Variants in IL1RAPL2 observed in about 807,000 individuals in gnomAD.
IL1RAPL2 encodes the protein X-linked interleukin-1 receptor accessory protein-like 2.
Under a neutral mutation model 44.1 loss-of-function variants are expected in IL1RAPL2, and 3 were observed. The observed-to-expected ratio is 0.07, with a 90% CI of 0.03 to 0.18. IL1RAPL2 has a LOEUF of 0.18. Among genes scored for constraint, IL1RAPL2 ranks in the 10% least tolerant of loss-of-function variants. The pLI is 1.00. For missense variants in IL1RAPL2, 391 were observed against 496.4 expected, an observed-to-expected ratio of 0.79 and a Z score of 2.02; for synonymous variants, 181 against 178.8, an observed-to-expected ratio of 1.01 and a Z score of -0.10.
At chrX:105,645,914 A>G (rs1212538297) in intron 6 of IL1RAPL2, among the ~76,000 whole-genome samples, 1 of 111,607 alleles carries the variant, frequency 9.0e-6, no homozygotes, top group Non-Finnish European at 1.9e-5. Flanking sequence ...TATCTCCAGC[A>G]TATGTTCAAC....
In IL1RAPL2 at chrX:104,840,024, T is replaced by G. The variant is rs749465650; in HGVS notation, c.82+181029T>G. Among the ~76,000 whole-genome samples the G allele has an allele frequency of 2.7e-5, 3 of 111,925 alleles. No individual in the cohort carries two copies. In the South Asian group the frequency reaches 1.1e-3, roughly 42 times the overall value. Reference sequence around the variant, plus strand: ...TTTTTCTAACAAGCAGCTCCTGGATTCGTTGATTTTTTGGAATACTTTTTG... The same window carrying G: ...TTTTTCTAACAAGCAGCTCCTGGATGCGTTGATTTTTTGGAATACTTTTTG... On this transcript the variant is annotated intron_variant, in intron 2 of 10. Coordinates refer to ENST00000372582, the MANE Select transcript of IL1RAPL2 (RefSeq NM_017416.2).
intron 2 of IL1RAPL2, among the ~76,000 whole-genome samples, chrX:104,963,844 A>T (rs1307426481): frequency 9.0e-6 from 1 of 111,185 alleles, no homozygotes; most frequent in African/African-American, 3.3e-5. Flanking sequence ...CAAATAACAA[A>T]ACATAAAGGT....
At chrX:105,133,426 T>A (rs765992702) in intron 2 of IL1RAPL2, among the ~76,000 whole-genome samples, 1 of 110,992 alleles carries the variant, frequency 9.0e-6, no homozygotes, top group African/African-American at 3.2e-5. Flanking sequence ...AAATAATTTT[T>A]ATATAAATAA....
chrX:105,474,423 T>C (rs2036184619), intron 5 of IL1RAPL2, among the ~76,000 whole-genome samples: 1 of 112,124 alleles, frequency 8.9e-6, no homozygotes, highest in South Asian at 3.7e-4. Flanking sequence ...AAGTGTGTGA[T>C]AGCTTACCAG....
At chrX:105,482,318 CAT>C (rs2036238394) in intron 5 of IL1RAPL2, among the ~76,000 whole-genome samples, 3 of 111,579 alleles carry the variant, frequency 2.7e-5, no homozygotes, top group Middle Eastern at 4.8e-3. Flanking sequence ...GTAGATCCCT[CAT>C]GTTTCCAATA....
chrX:105,082,069 C>A (rs1279511668), intron 2 of IL1RAPL2, among the ~76,000 whole-genome samples: 2 of 111,765 alleles, frequency 1.8e-5, no homozygotes, highest in African/African-American at 6.5e-5. Flanking sequence ...CCTCTTTGTA[C>A]TTCTGGTAGA....
At chrX:104,652,232 T>A (rs1930166239) in intron 1 of IL1RAPL2, among the ~76,000 whole-genome samples, 1 of 111,899 alleles carries the variant, frequency 8.9e-6, no homozygotes, top group African/African-American at 3.2e-5. Context: ...TAGGAAGACT[T>A]CTGCAGATGA....
At chrX:105,648,420 AT>A (rs2037621264) in intron 6 of IL1RAPL2, among the ~76,000 whole-genome samples, 1 of 111,481 alleles carries the variant, frequency 9.0e-6, no homozygotes. Context: ...TGGAATTAGA[AT>A]TTTTAAAAAC....
intron 6 of IL1RAPL2, among the ~76,000 whole-genome samples, chrX:105,522,931 T>C (rs1225821483): frequency 9.0e-6 from 1 of 111,308 alleles, no homozygotes; most frequent in East Asian, 2.8e-4. Flanking sequence ...TTCCTACCAA[T>C]TTTTTGTTCT....
At chrX:105,031,360 G>A (rs2031491040) in intron 2 of IL1RAPL2, among the ~76,000 whole-genome samples, 1 of 109,837 alleles carries the variant, frequency 9.1e-6, no homozygotes, top group Non-Finnish European at 1.9e-5. Flanking sequence ...TGCCCATTCA[G>A]TATGATATTG....
intron 2 of IL1RAPL2, among the ~76,000 whole-genome samples, chrX:104,678,949 G>A (rs1930841548): frequency 9.0e-6 from 1 of 111,400 alleles, no homozygotes; most frequent in African/African-American, 3.3e-5. Flanking sequence ...TTCTGCACAT[G>A]TATGTCAGAA....
At chrX:105,684,284 G>T (rs1217895272) in intron 6 of IL1RAPL2, among the ~76,000 whole-genome samples, 1 of 112,464 alleles carries the variant, frequency 8.9e-6, no homozygotes. Flanking sequence ...CCTAGCCAAG[G>T]GAAGCTGTGA....
intron 6 of IL1RAPL2, among the ~76,000 whole-genome samples, chrX:105,678,468 T>C (rs1429182810): frequency 9.0e-6 from 1 of 111,407 alleles, no homozygotes; most frequent in Non-Finnish European, 1.9e-5. Flanking sequence ...ACTTTTTGTA[T>C]CCATTAACCA....
intron 2 of IL1RAPL2, among the ~76,000 whole-genome samples, chrX:104,821,555 T>C (rs1921303269): frequency 1.8e-5 from 2 of 111,979 alleles, no homozygotes; most frequent in Admixed American, 1.9e-4. Flanking sequence ...TTCATCCATG[T>C]CTCTGCAAAG....
intron 6 of IL1RAPL2, among the ~76,000 whole-genome samples, chrX:105,711,113 C>G (rs1242196934): frequency 9.1e-6 from 1 of 109,915 alleles, no homozygotes; most frequent in African/African-American, 3.3e-5. Flanking sequence ...TGGCTTTCAG[C>G]TTTTTCCTTC....
chrX:105,624,280 T>C (rs2037439109), intron 6 of IL1RAPL2, among the ~76,000 whole-genome samples: 1 of 111,145 alleles, frequency 9.0e-6, no homozygotes, highest in South Asian at 3.8e-4. Flanking sequence ...CAGAACAATG[T>C]TGCAGAATTG....
chrX:104,645,441 A>G (rs933498049), intron 1 of IL1RAPL2, among the ~76,000 whole-genome samples: 1 of 111,637 alleles, frequency 9.0e-6, no homozygotes, highest in African/African-American at 3.2e-5. Context: ...AACTCATTCT[A>G]CTTCAATGAA....
intron 5 of IL1RAPL2, among the ~76,000 whole-genome samples, chrX:105,273,793 T>C (rs1238768666): frequency 8.9e-6 from 1 of 112,173 alleles, no homozygotes; most frequent in African/African-American, 3.2e-5. Flanking sequence ...TATATGCTTT[T>C]CTCCAATTAT....
intron 3 of IL1RAPL2, among the ~76,000 whole-genome samples, chrX:105,232,255 G>A (rs369770836): frequency 1.8e-5 from 2 of 111,556 alleles, no homozygotes; most frequent in African/African-American, 3.3e-5. Context: ...AAGAGGCATC[G>A]CCATCTGGAT....
Sources: gnomAD v4.1 joint callset for allele counts (sites outside exome capture counted in the v4.1 genomes callset) on GRCh38, gnomAD v4.1.1 for gene constraint, MANE v1.5 for transcripts, NCBI Gene and HGNC (gene_info 2026-07-23, HGNC 2026-07-21) for gene names.